The following CNTNAP2 variants were observed in gnomAD, a reference collection of about 807,000 sequenced individuals.
CNTNAP2 encodes the protein contactin-associated protein-like 2.
A neutral mutation model predicts 155.2 loss-of-function variants in CNTNAP2; 98 were observed. That is an observed-to-expected ratio of 0.63 (90% CI 0.54 to 0.75). The LOEUF (loss-of-function observed/expected upper bound fraction) is 0.75. Ranked by LOEUF, CNTNAP2 falls within the 30% of genes least tolerant of loss-of-function variation. The pLI is 0.00. For synonymous variants in CNTNAP2, 651 were observed against 631.2 expected, an observed-to-expected ratio of 1.03 and a Z score of -0.47; for missense variants, 1,727 against 1,688.1, an observed-to-expected ratio of 1.02 and a Z score of -0.40.
At chr7:148,314,140 G>A (rs59634467) in intron 21 of CNTNAP2, among the ~76,000 whole-genome samples, 6,891 of 152,100 alleles carry the variant, frequency 0.045, 533 homozygotes, top group African/African-American at 0.16. Flanking sequence ...GGAGAGGTCA[G>A]ATGGGTCTGT....
intron 1 of CNTNAP2, among the ~76,000 whole-genome samples, chr7:146,753,691 T>TG (rs1459014609): frequency 6.6e-6 from 1 of 152,070 alleles, no homozygotes. Context: ...AACATTGTCT[T>TG]GGTATTCAAA....
chr7:148,221,243 C>T (rs939030017), intron 19 of CNTNAP2, among the ~76,000 whole-genome samples: 8 of 152,168 alleles, frequency 5.3e-5, no homozygotes, highest in South Asian at 2.1e-4. Flanking sequence ...CTGAATGGTG[C>T]CATGCATTAA....
intron 1 of CNTNAP2, among the ~76,000 whole-genome samples, chr7:146,406,447 T>C (rs1795793302): frequency 6.6e-6 from 1 of 152,220 alleles, no homozygotes; most frequent in South Asian, 2.1e-4. Flanking sequence ...ATATATTTCT[T>C]TCTAGGACAG....
In CNTNAP2 at chr7:146,392,034, A is replaced by C. The variant is rs144047716; in HGVS notation, c.97+275061A>C. ...CATACCAATTTAATTGCTTTTAATA[A>C]ATTTTGGTGAGTAGTATTAAGAAAT... On this transcript the variant is annotated intron_variant, in intron 1 of 23. Transcript: ENST00000361727. 2.0e-3 allele frequency among the ~76,000 whole-genome samples: 306 copies of C among 152,286 alleles called. 1 individual carries two copies. Among genetic ancestry groups the C allele is most frequent in the African/African-American group, 7.1e-3 (295 of 41,560 alleles).
chr7:148,293,542 A>G (rs1797230114), intron 21 of CNTNAP2, among the ~76,000 whole-genome samples: 1 of 152,236 alleles, frequency 6.6e-6, no homozygotes. Context: ...ATAATCCCCC[A>G]AAATTAAAGT....
intron 21 of CNTNAP2, among the ~76,000 whole-genome samples, chr7:148,365,084 T>G (rs1424123785): frequency 6.6e-6 from 1 of 152,140 alleles, no homozygotes; most frequent in Non-Finnish European, 1.5e-5. Flanking sequence ...TTGAAGTCAG[T>G]GAGACCAAGA....
intron 1 of CNTNAP2, among the ~76,000 whole-genome samples, chr7:146,746,974 A>G (rs528796789): frequency 6.6e-6 from 1 of 152,126 alleles, no homozygotes; most frequent in Non-Finnish European, 1.5e-5. Context: ...CCAGAATTGA[A>G]TTTATTGAAT....
At chr7:146,170,131 A>G (rs186426207) in intron 1 of CNTNAP2, among the ~76,000 whole-genome samples, 2 of 151,518 alleles carry the variant, frequency 1.3e-5, no homozygotes, top group Non-Finnish European at 2.9e-5. Flanking sequence ...GGTTCAAGCA[A>G]TTCTCATGCC....
At chr7:147,327,451 T>C (rs182280138) in intron 9 of CNTNAP2, among the ~76,000 whole-genome samples, 3 of 152,298 alleles carry the variant, frequency 2.0e-5, no homozygotes, top group Admixed American at 1.3e-4. Flanking sequence ...TACTGAAAAG[T>C]AATTAAGAAA....
At chr7:147,071,090 T>C (rs982587206) in intron 4 of CNTNAP2, among the ~76,000 whole-genome samples, 1 of 152,082 alleles carries the variant, frequency 6.6e-6, no homozygotes, top group Non-Finnish European at 1.5e-5. Context: ...TGTTTCACCA[T>C]AGACACATTC....
chr7:146,483,314 TATATATATATATATAC>T (rs1288494873), intron 1 of CNTNAP2, among the ~76,000 whole-genome samples: 1,912 of 91,158 alleles, frequency 0.021, 85 homozygotes, highest in South Asian at 0.033. Flanking sequence ...TATATATATA[TATATATATATATATAC>T]ATATATATAT....
intron 8 of CNTNAP2, among the ~76,000 whole-genome samples, chr7:147,225,493 A>G (rs977470050): frequency 6.6e-6 from 1 of 152,152 alleles, no homozygotes; most frequent in Non-Finnish European, 1.5e-5. Context: ...AATTAGGTTT[A>G]AAGTACCCTT....
chr7:146,769,588 T>C (rs1802257919), intron 1 of CNTNAP2, among the ~76,000 whole-genome samples: 1 of 152,170 alleles, frequency 6.6e-6, no homozygotes, highest in African/African-American at 2.4e-5. Flanking sequence ...CTTTCTAAAA[T>C]TTCCTTTCTA....
chr7:148,023,840 C>A (rs574373628), intron 15 of CNTNAP2, among the ~76,000 whole-genome samples: 1 of 152,104 alleles, frequency 6.6e-6, no homozygotes, highest in Non-Finnish European at 1.5e-5. Context: ...GTTGGAAAGT[C>A]CTGTAACTCT....
chr7:147,644,038 G>A (rs140897671), intron 13 of CNTNAP2, among the ~76,000 whole-genome samples: 1 of 151,972 alleles, frequency 6.6e-6, no homozygotes, highest in Non-Finnish European at 1.5e-5. Context: ...GTCCATTCTC[G>A]CAATGTAACT....
intron 21 of CNTNAP2, among the ~76,000 whole-genome samples, chr7:148,323,294 C>CTTTTTTTTTTTT: frequency 2.0e-5 from 1 of 49,464 alleles, no homozygotes; most frequent in Non-Finnish European, 3.4e-5. Flanking sequence ...TTATGGATTT[C>CTTTTTTTTTTTT]TTTTTTTTTT....
At chr7:146,945,791 G>A (rs1304334926) in intron 3 of CNTNAP2, among the ~76,000 whole-genome samples, 6 of 152,120 alleles carry the variant, frequency 3.9e-5, no homozygotes, top group African/African-American at 1.2e-4. Context: ...GTAAGAAAAT[G>A]TAAAGAAAAT....
At chr7:146,307,726 A>G (rs1307451601) in intron 1 of CNTNAP2, among the ~76,000 whole-genome samples, 2 of 152,142 alleles carry the variant, frequency 1.3e-5, no homozygotes, top group African/African-American at 4.8e-5. Flanking sequence ...ACATGAAATG[A>G]GTAAAGGATT....
At chr7:146,613,573 ATT>A (rs1799175360) in intron 1 of CNTNAP2, among the ~76,000 whole-genome samples, 3 of 151,656 alleles carry the variant, frequency 2.0e-5, no homozygotes, top group African/African-American at 7.3e-5. Context: ...AAAAGATAAA[ATT>A]AATTTATTTT....
Sources: allele counts gnomAD v4.1 joint callset (sites outside exome capture counted in the v4.1 genomes callset), GRCh38; gene constraint gnomAD v4.1.1; transcripts MANE v1.5; gene names NCBI Gene and HGNC (gene_info 2026-07-23, HGNC 2026-07-21).